Variants in MAPK4 observed in about 807,000 individuals in gnomAD.
MAPK4 encodes the protein Erk3-related.
A neutral mutation model predicts 47.7 loss-of-function variants in MAPK4; 22 were observed. The ratio of observed to expected loss-of-function variants is 0.46; its 90% CI spans 0.33 to 0.66. The LOEUF (loss-of-function observed/expected upper bound fraction) is 0.66, where lower values mean the gene tolerates loss of function less well. Among genes scored for constraint, MAPK4 ranks in the 30% least tolerant of loss-of-function variants. MAPK4 has a pLI of 0.02. For missense variants in MAPK4, 736 were observed against 831.7 expected (o/e 0.88, Z 1.42); for synonymous variants, 390 against 365.7 (o/e 1.07, Z -0.76).
intron 1 of MAPK4, among the ~76,000 whole-genome samples, chr18:50,594,723 GATAA>G (rs2042467195): frequency 6.6e-6 from 1 of 152,078 alleles, no homozygotes; most frequent in Non-Finnish European, 1.5e-5. Flanking sequence ...AAGAAAATAA[GATAA>G]ATTAGAATTT....
chr18:50,714,977 C>A, intron 2 of MAPK4, 102 bp from the exon 3 acceptor site: 2 of 1,176,014 alleles, frequency 1.7e-6, no homozygotes, highest in South Asian at 1.5e-5. Context: ...TGAAAGGGAC[C>A]CTGAAAGAGG....
At chr18:50,690,876 A>G (rs2144347799) in intron 2 of MAPK4, among the ~76,000 whole-genome samples, 1 of 152,346 alleles carries the variant, frequency 6.6e-6, no homozygotes, top group Admixed American at 6.5e-5. Context: ...GCCTCCAAAA[A>G]TGGACTGGCC....
chr18:50,637,777 C>T (rs2042900680), intron 1 of MAPK4, among the ~76,000 whole-genome samples: 1 of 152,218 alleles, frequency 6.6e-6, no homozygotes, highest in Non-Finnish European at 1.5e-5. Flanking sequence ...CTGGCTTGCA[C>T]GTGGCCACCT....
intron 1 of MAPK4, among the ~76,000 whole-genome samples, chr18:50,571,528 G>C (rs1372846758): frequency 6.6e-6 from 1 of 152,180 alleles, no homozygotes; most frequent in African/African-American, 2.4e-5. Context: ...CTTTCAGCCT[G>C]AGATGAAGTA....
intron 1 of MAPK4, among the ~76,000 whole-genome samples, chr18:50,662,495 A>G (rs1907327305): frequency 6.6e-6 from 1 of 152,244 alleles, no homozygotes; most frequent in African/African-American, 2.4e-5. Flanking sequence ...GGGCAAAGAG[A>G]GTCCTTTTAT....
chr18:50,640,669 T>C (rs1331060782), intron 1 of MAPK4, among the ~76,000 whole-genome samples: 1 of 152,214 alleles, frequency 6.6e-6, no homozygotes, highest in Non-Finnish European at 1.5e-5. Flanking sequence ...TTTCACCATG[T>C]TGGCCAGGCT....
At chr18:50,649,158 GC>G (rs1284078408) in intron 1 of MAPK4, among the ~76,000 whole-genome samples, 2 of 152,136 alleles carry the variant, frequency 1.3e-5, no homozygotes, top group African/African-American at 2.4e-5. Flanking sequence ...TCCCCTAGGG[GC>G]CCTTGGCTCA....
intron 2 of MAPK4, among the ~76,000 whole-genome samples, chr18:50,704,142 T>C (rs901355687): frequency 6.6e-6 from 1 of 152,144 alleles, no homozygotes; most frequent in African/African-American, 2.4e-5. Flanking sequence ...ATCTGTATAA[T>C]GAGTCTACCT....
chr18:50,632,694 A>G (rs911838734), intron 1 of MAPK4, among the ~76,000 whole-genome samples: 4 of 142,784 alleles, frequency 2.8e-5, no homozygotes, highest in Non-Finnish European at 6.0e-5. Flanking sequence ...ATCTCGGCTC[A>G]TTGCAACCTC....
chr18:50,606,796 G>T (rs2042586714), intron 1 of MAPK4, among the ~76,000 whole-genome samples: 1 of 152,324 alleles, frequency 6.6e-6, no homozygotes, highest in Non-Finnish European at 1.5e-5. Context: ...AAAACTTCAT[G>T]TAGAAAAACA....
At position 50,579,841 on chromosome 18, in the gene MAPK4, G is replaced by A. The variant is rs544182549; in HGVS notation, c.-871+19598G>A. Among the ~76,000 whole-genome samples, 4 of 152,280 alleles carry A rather than the reference G, an allele frequency of 2.6e-5. No individual in the cohort carries two copies. The East Asian group carries it at 7.7e-4, about 29-fold the overall frequency. ...AGAAAATGGAGAAGAGGGTGACAGTGGGCTAATTGTTGGCTAGGGACAAGT... is the reference window on the plus strand; with the variant it reads ...AGAAAATGGAGAAGAGGGTGACAGTAGGCTAATTGTTGGCTAGGGACAAGT... On this transcript the variant is annotated intron_variant, in intron 1 of 5. Transcript: ENST00000400384.
intron 2 of MAPK4, among the ~76,000 whole-genome samples, chr18:50,696,890 C>T (rs541321525): frequency 1.8e-4 from 27 of 151,966 alleles, no homozygotes; most frequent in South Asian, 4.2e-4. Context: ...AGGAGAGACA[C>T]GGCACTTGAG....
At chr18:50,618,972 G>A (rs115683303) in intron 1 of MAPK4, among the ~76,000 whole-genome samples, 84 of 152,092 alleles carry the variant, frequency 5.5e-4, no homozygotes, top group African/African-American at 1.6e-3. Flanking sequence ...ATCTTTCTAC[G>A]ACCTAGATTG....
intron 1 of MAPK4, among the ~76,000 whole-genome samples, chr18:50,622,006 A>C (rs376272865): frequency 8.5e-5 from 13 of 152,342 alleles, no homozygotes; most frequent in Admixed American, 7.2e-4. Flanking sequence ...CTGGGTAGAC[A>C]GGGCACATCT....
At chr18:50,595,442 A>G (rs1238318354) in intron 1 of MAPK4, among the ~76,000 whole-genome samples, 4 of 152,228 alleles carry the variant, frequency 2.6e-5, no homozygotes, top group African/African-American at 9.6e-5. Context: ...GGAAAAAAAC[A>G]TACCTTCCAA....
chr18:50,713,123 T>C (rs1910464190), intron 2 of MAPK4, among the ~76,000 whole-genome samples: 1 of 152,096 alleles, frequency 6.6e-6, no homozygotes, highest in Non-Finnish European at 1.5e-5. Context: ...GGACTAGGGG[T>C]GACCAAAAGA....
At chr18:50,688,916 A>G (rs911539478) in intron 2 of MAPK4, among the ~76,000 whole-genome samples, 1 of 148,568 alleles carries the variant, frequency 6.7e-6, no homozygotes, top group Non-Finnish European at 1.5e-5. Context: ...AAAAAGAAAG[A>G]CAGTGCATAT....
intron 1 of MAPK4, among the ~76,000 whole-genome samples, chr18:50,574,027 G>C (rs2042273145): frequency 6.6e-6 from 1 of 152,180 alleles, no homozygotes; most frequent in Admixed American, 6.5e-5. Flanking sequence ...AGCCACTTCT[G>C]ATTCCACATC....
chr18:50,650,837 G>A (rs1211352042), intron 1 of MAPK4, among the ~76,000 whole-genome samples: 1 of 152,194 alleles, frequency 6.6e-6, no homozygotes, highest in Non-Finnish European at 1.5e-5. Context: ...TTAATTATTT[G>A]AGGAGGAGGA....
Sources: gnomAD v4.1 joint callset for allele counts (sites outside exome capture counted in the v4.1 genomes callset) on GRCh38, gnomAD v4.1.1 for gene constraint, MANE v1.5 for transcripts, NCBI Gene and HGNC (gene_info 2026-07-23, HGNC 2026-07-21) for gene names.